The following CSMD3 variants were observed in gnomAD, a reference collection of about 807,000 sequenced individuals.
CSMD3 encodes CUB and Sushi multiple domains 3.
A neutral mutation model predicts 435.2 loss-of-function variants in CSMD3; 177 were observed. The ratio of observed to expected loss-of-function variants is 0.41; its 90% CI spans 0.36 to 0.46. The LOEUF (loss-of-function observed/expected upper bound fraction) is 0.46. CSMD3 is among the 20% of genes least tolerant of loss of function. The probability of loss-of-function intolerance (pLI) is 0.34; values close to 1 mark genes in which losing one functional copy is unlikely to be tolerated. For synonymous variants in CSMD3, 1,656 were observed against 1,520.5 expected, an observed-to-expected ratio of 1.09 and a Z score of -2.07; for missense variants, 4,265 against 4,504.6, an observed-to-expected ratio of 0.95 and a Z score of 1.52.
At chr8:112,547,820 C>T (rs1827321868) in intron 27 of CSMD3, among the ~76,000 whole-genome samples, 1 of 151,958 alleles carries the variant, frequency 6.6e-6, no homozygotes, top group African/African-American at 2.4e-5. Context: ...TTAAGAGTTG[C>T]TTGAGTTAAT....
rs1313578337 is a variant in CSMD3, at chr8:112,975,820, A to C, written c.1342+17T>G. 2 of 1,612,358 alleles carry C rather than the reference A, an allele frequency of 1.2e-6. No individual in the cohort carries two copies. The highest frequency in any genetic ancestry group is 8.5e-7 in the Non-Finnish European group (1 of 1,179,680). On this transcript the variant is annotated intron_variant, in intron 7 of 70. Coordinates refer to ENST00000297405, the MANE Select transcript of CSMD3 (RefSeq NM_198123.2). ...TGGCTGTAACTAAATGGGCACAAGT[A>C]AAATAACATCCAATACCTCTATGAG...
chr8:112,328,513 A>C (rs1339987128), intron 45 of CSMD3, among the ~76,000 whole-genome samples: 3 of 152,204 alleles, frequency 2.0e-5, no homozygotes. Flanking sequence ...GAATATTAGA[A>C]ATCAAGAGTG....
rs1475282249 is a variant in CSMD3, at chr8:113,087,874, A to C, written c.917+10882T>G. Among the ~76,000 whole-genome samples, 6 of 152,302 alleles carry C rather than the reference A, an allele frequency of 3.9e-5. No homozygotes were observed. In the East Asian group the frequency reaches 5.8e-4, roughly 15 times the overall value. On this transcript the variant is annotated intron_variant, in intron 5 of 70. Coordinates refer to ENST00000297405, the MANE Select transcript of CSMD3 (RefSeq NM_198123.2). Reference sequence around the variant, plus strand: ...TTGACAAATGGGATCTAATTAAACTAAAGAGCTTCTGCACAGCAAATAAAA... The same window carrying C: ...TTGACAAATGGGATCTAATTAAACTCAAGAGCTTCTGCACAGCAAATAAAA...
intron 59 of CSMD3, among the ~76,000 whole-genome samples, chr8:112,276,347 T>G (rs7018166): frequency 0.83 from 125,957 of 152,154 alleles, 52,833 homozygotes; most frequent in African/African-American, 0.96. Context: ...CAGGCACATG[T>G]TACAAGTTGT....
intron 13 of CSMD3, among the ~76,000 whole-genome samples, chr8:112,730,203 GATAA>G (rs1200354307): frequency 7.2e-5 from 11 of 151,994 alleles, no homozygotes; most frequent in Non-Finnish European, 1.3e-4. Flanking sequence ...AGGGAAGGGT[GATAA>G]ATATTATTTT....
At chr8:113,343,723 CA>C (rs1343919911) in intron 1 of CSMD3, among the ~76,000 whole-genome samples, 3 of 152,048 alleles carry the variant, frequency 2.0e-5, no homozygotes, top group Non-Finnish European at 4.4e-5. Context: ...AGAGAAAAAA[CA>C]TATTACACAT....
At chr8:112,428,225 TCA>T (rs1188086956) in intron 32 of CSMD3, among the ~76,000 whole-genome samples, 2 of 152,190 alleles carry the variant, frequency 1.3e-5, no homozygotes, top group Admixed American at 1.3e-4. Context: ...TTTTACAATT[TCA>T]GTCTTTATCT....
At chr8:112,933,543 A>T (rs1378521975) in intron 9 of CSMD3, among the ~76,000 whole-genome samples, 1 of 152,152 alleles carries the variant, frequency 6.6e-6, no homozygotes, top group Non-Finnish European at 1.5e-5. Context: ...CAGTGGAAAT[A>T]GCAATGGAGT....
chr8:113,161,695 A>T (rs1449150735), intron 4 of CSMD3, among the ~76,000 whole-genome samples: 3 of 152,166 alleles, frequency 2.0e-5, no homozygotes, highest in African/African-American at 7.2e-5. Flanking sequence ...TCTCTAAAAA[A>T]ATCAAATACA....
chr8:112,628,521 T>C (rs899264256), intron 22 of CSMD3, among the ~76,000 whole-genome samples: 5 of 152,154 alleles, frequency 3.3e-5, no homozygotes, highest in Admixed American at 2.6e-4. Context: ...ATGGCAATTA[T>C]AGTCCTTTAT....
intron 9 of CSMD3, among the ~76,000 whole-genome samples, chr8:112,945,624 G>GTGTA (rs1554725488): frequency 4.1e-5 from 6 of 145,778 alleles, no homozygotes; most frequent in East Asian, 2.0e-4. Flanking sequence ...GTGTGTGTGT[G>GTGTA]TATAATATTC....
chr8:112,632,699 T>C (rs367601179), intron 22 of CSMD3, among the ~76,000 whole-genome samples: 1 of 152,206 alleles, frequency 6.6e-6, no homozygotes, highest in East Asian at 1.9e-4. Flanking sequence ...TAAATGACAG[T>C]GTTTTTGTAA....
intron 9 of CSMD3, among the ~76,000 whole-genome samples, chr8:112,945,144 G>A (rs957449378): frequency 2.0e-5 from 3 of 151,468 alleles, no homozygotes; most frequent in Non-Finnish European, 4.4e-5. Context: ...TGTTGTTCAA[G>A]CCTTGAAAAT....
intron 24 of CSMD3, among the ~76,000 whole-genome samples, chr8:112,564,715 AG>A (rs1316150209): frequency 1.2e-4 from 18 of 152,144 alleles, no homozygotes; most frequent in African/African-American, 4.3e-4. Flanking sequence ...GCAGAATCTA[AG>A]CAGAGATATT....
At chr8:112,585,794 T>C (rs1009933691) in intron 23 of CSMD3, among the ~76,000 whole-genome samples, 35 of 151,654 alleles carry the variant, frequency 2.3e-4, no homozygotes, top group Non-Finnish European at 4.4e-4. Context: ...ATCTTATCTA[T>C]GCATTGATAC....
chr8:113,291,864 T>C (rs1434776206), intron 2 of CSMD3, among the ~76,000 whole-genome samples: 2 of 151,908 alleles, frequency 1.3e-5, no homozygotes, highest in African/African-American at 4.8e-5. Flanking sequence ...GAGTATTTTA[T>C]AGTGAAAATA....
intron 50 of CSMD3, among the ~76,000 whole-genome samples, chr8:112,309,664 G>A (rs1821775650): frequency 6.6e-6 from 1 of 151,970 alleles, no homozygotes; most frequent in Admixed American, 6.6e-5. Context: ...TTAAGGTAAT[G>A]GTGCTTCCCA....
chr8:112,696,090 G>A (rs1241463079), intron 13 of CSMD3, among the ~76,000 whole-genome samples: 2 of 152,056 alleles, frequency 1.3e-5, no homozygotes, highest in Non-Finnish European at 2.9e-5. Context: ...GACACAAATG[G>A]AAGAACATTC....
Position 112,341,571 on chromosome 8 carries a change from T to C in CSMD3, c.6558A>G (p.Ile2186Met). The C allele has an allele frequency of 1.2e-6, 2 of 1,613,046 alleles. No homozygotes were observed. Among genetic ancestry groups the C allele is most frequent in the Non-Finnish European group, 1.7e-6 (2 of 1,179,076 alleles). Residue 2186 changes from isoleucine to methionine, a missense_variant, in exon 42 of 71, where the codon ATA becomes ATG. Coordinates refer to ENST00000297405, the MANE Select transcript of CSMD3 (RefSeq NM_198123.2). ...TVIGRLSGPQ[I>M]PSSLFSTTHE... The stretch of plus-strand genomic sequence containing the variant: ...GGGTGGTGCTGAATAAGGAAGATGG[T>C]ATTTGAGGACCACTAAGCCGGCCAA...
Sources: gnomAD v4.1 joint callset for allele counts (sites outside exome capture counted in the v4.1 genomes callset) on GRCh38, gnomAD v4.1.1 for gene constraint, MANE v1.5 for transcripts, NCBI Gene and HGNC (gene_info 2026-07-23, HGNC 2026-07-21) for gene names.